CDH13: variants seen among roughly 807,000 people sequenced by gnomAD.
CDH13 encodes the protein cadherin 13, also known as cadherin-13.
A neutral mutation model predicts 63.8 loss-of-function variants in CDH13; 24 were observed. The observed-to-expected ratio is 0.38, with a 90% CI of 0.27 to 0.53. The LOEUF is 0.53. CDH13 is among the 20% of genes least tolerant of loss of function. The pLI is 0.85. For missense variants in CDH13, 1,049 were observed against 903.1 expected (o/e 1.16, Z -2.07); for synonymous variants, 503 against 355.3 (o/e 1.42, Z -4.67).
intron 1 of CDH13, among the ~76,000 whole-genome samples, chr16:82,683,538 A>T (rs1914765823): frequency 6.6e-6 from 1 of 152,228 alleles, no homozygotes; most frequent in African/African-American, 2.4e-5. Context: ...AAACAGCTAG[A>T]CCAAGGAGTC....
intron 2 of CDH13, among the ~76,000 whole-genome samples, chr16:83,014,828 T>TTGTATATA (rs1555562642): frequency 2.4e-4 from 21 of 87,814 alleles, no homozygotes; most frequent in Non-Finnish European, 3.4e-4. Flanking sequence ...ATATATATAT[T>TTGTATATA]TGTATATATA....
At chr16:82,985,774 G>A (rs111538430) in intron 2 of CDH13, among the ~76,000 whole-genome samples, 523 of 152,288 alleles carry the variant, frequency 3.4e-3, no homozygotes, top group African/African-American at 0.012. Flanking sequence ...GGAGCATGGG[G>A]ACAGATTTCT....
intron 1 of CDH13, among the ~76,000 whole-genome samples, chr16:82,805,665 C>A (rs1269889427): frequency 6.6e-6 from 1 of 152,106 alleles, no homozygotes; most frequent in Non-Finnish European, 1.5e-5. Flanking sequence ...ACTTTGGAGA[C>A]TAGGTGTGGG....
chr16:82,994,817 T>C (rs1216918286), intron 2 of CDH13, among the ~76,000 whole-genome samples: 1 of 152,180 alleles, frequency 6.6e-6, no homozygotes, highest in Non-Finnish European at 1.5e-5. Flanking sequence ...TACTGAAGGA[T>C]TTCAGACCAC....
At chr16:83,748,671 C>T (rs568367505) in intron 11 of CDH13, among the ~76,000 whole-genome samples, 10 of 152,268 alleles carry the variant, frequency 6.6e-5, no homozygotes, top group Admixed American at 2.0e-4. Context: ...TATTATGACA[C>T]GCTGCCAAGG....
chr16:83,405,807 G>A (rs1170787152), intron 6 of CDH13, among the ~76,000 whole-genome samples: 1 of 152,214 alleles, frequency 6.6e-6, no homozygotes, highest in Non-Finnish European at 1.5e-5. Context: ...GCACCTTGGA[G>A]GCAGAGGCTG....
intron 5 of CDH13, among the ~76,000 whole-genome samples, chr16:83,239,217 A>G (rs1895537): frequency 0.95 from 144,218 of 152,204 alleles, 68,340 homozygotes; most frequent in East Asian, 1. Flanking sequence ...GTTCAGTTAT[A>G]AGTTATCACT....
intron 2 of CDH13, among the ~76,000 whole-genome samples, chr16:83,018,899 C>G (rs551687100): frequency 1.3e-5 from 2 of 152,132 alleles, no homozygotes; most frequent in Non-Finnish European, 2.9e-5. Context: ...GTAAAATTGG[C>G]ACACCTGTAT....
intron 1 of CDH13, among the ~76,000 whole-genome samples, chr16:82,696,825 C>G (rs183934716): frequency 6.6e-6 from 1 of 152,162 alleles, no homozygotes; most frequent in Non-Finnish European, 1.5e-5. Context: ...GAGTCTTTCA[C>G]GATACTGTTG....
intron 3 of CDH13, among the ~76,000 whole-genome samples, chr16:83,069,375 G>T (rs1406588677): frequency 1.3e-5 from 2 of 152,062 alleles, no homozygotes; most frequent in African/African-American, 4.8e-5. Context: ...CATAATTTTT[G>T]CAATACCGTT....
At chr16:83,270,890 CCCTT>C (rs1272494245) in intron 5 of CDH13, among the ~76,000 whole-genome samples, 1 of 147,182 alleles carries the variant, frequency 6.8e-6, no homozygotes, top group African/African-American at 2.5e-5. Context: ...CTCCCTCCCT[CCCTT>C]CCTCCCTCCT....
intron 3 of CDH13, among the ~76,000 whole-genome samples, chr16:83,089,913 A>G (rs1384570301): frequency 6.6e-6 from 1 of 152,152 alleles, no homozygotes; most frequent in Non-Finnish European, 1.5e-5. Flanking sequence ...ATTTATAACG[A>G]CATCCTAAGA....
At chr16:83,216,081 T>G (rs530790715) in intron 4 of CDH13, among the ~76,000 whole-genome samples, 151 of 151,356 alleles carry the variant, frequency 1.0e-3, no homozygotes, top group African/African-American at 3.6e-3. Context: ...CTTTCCAGAC[T>G]CTTCCTTGTC....
intron 7 of CDH13, among the ~76,000 whole-genome samples, chr16:83,561,797 T>C (rs1480505389): frequency 4.6e-5 from 7 of 152,202 alleles, no homozygotes; most frequent in Non-Finnish European, 8.8e-5. Context: ...TATCATCAAC[T>C]ACAACATTGT....
intron 1 of CDH13, among the ~76,000 whole-genome samples, chr16:82,816,769 C>T (rs73606839): frequency 0.019 from 2,700 of 140,346 alleles, 87 homozygotes; most frequent in African/African-American, 0.067. Flanking sequence ...TCATCACCGT[C>T]GTCACCATCA....
intron 6 of CDH13, among the ~76,000 whole-genome samples, chr16:83,357,687 C>T (rs1408349351): frequency 6.6e-6 from 1 of 152,182 alleles, no homozygotes; most frequent in African/African-American, 2.4e-5. Flanking sequence ...ATAGAACGGC[C>T]TCCACAGCAA....
intron 1 of CDH13, among the ~76,000 whole-genome samples, chr16:82,690,481 A>G (rs1915537870): frequency 6.6e-6 from 1 of 152,252 alleles, no homozygotes; most frequent in African/African-American, 2.4e-5. Flanking sequence ...TTGATGATCC[A>G]GAAGAGGAAG....
At chr16:83,666,065 G>C (rs1369538595) in intron 8 of CDH13, among the ~76,000 whole-genome samples, 2 of 152,168 alleles carry the variant, frequency 1.3e-5, no homozygotes, top group South Asian at 2.1e-4. Flanking sequence ...TCTTGTATTT[G>C]ATTTGCCACA....
intron 1 of CDH13, among the ~76,000 whole-genome samples, chr16:82,700,567 A>C (rs1012147863): frequency 2.0e-5 from 3 of 151,790 alleles, no homozygotes; most frequent in Non-Finnish European, 2.9e-5. Context: ...TTCTATGTGT[A>C]AATGTCCATC....
Sources: allele counts gnomAD v4.1 joint callset (sites outside exome capture counted in the v4.1 genomes callset), GRCh38; gene constraint gnomAD v4.1.1; transcripts MANE v1.5; gene names NCBI Gene and HGNC (gene_info 2026-07-23, HGNC 2026-07-21).